The following PCF11 variants were observed in gnomAD, a reference collection of about 807,000 sequenced individuals.
PCF11 encodes the protein pre-mRNA cleavage complex 2 protein Pcf11.
In PCF11, 19 loss-of-function variants were observed where a neutral mutation model predicts 166.1. The ratio of observed to expected loss-of-function variants is 0.11; its 90% CI spans 0.08 to 0.17. PCF11 has a LOEUF of 0.17. PCF11 is among the 10% of genes least tolerant of loss of function. The pLI is 1.00. For synonymous variants in PCF11, 663 were observed against 644.1 expected (o/e 1.03, Z -0.44); for missense variants, 1,565 against 1,855.5 (o/e 0.84, Z 2.88).
At chr11:83,169,483 C>T (rs752203374) in exon 8 of PCF11, 29 of 1,613,458 alleles carry the variant, frequency 1.8e-5, no homozygotes, top group Non-Finnish European at 2.2e-5. Context: ...GTCACTCTTG[C>T]CAAGATTTGA....
At chr11:83,162,482 T>C (rs1021569877) in intron 2 of PCF11, among the ~76,000 whole-genome samples, 2 of 152,238 alleles carry the variant, frequency 1.3e-5, no homozygotes, top group Non-Finnish European at 2.9e-5. Flanking sequence ...TAATAGAATA[T>C]TGTAGACATT....
In PCF11 at chr11:83,167,409, A is replaced by G. The variant is rs369276569; in HGVS notation, c.2002-6A>G. 4.4e-5 allele frequency: 70 copies of G among 1,590,796 alleles called. No individual in the cohort carries two copies. Among genetic ancestry groups the G allele is most frequent in the Non-Finnish European group, 5.4e-5 (63 of 1,171,648 alleles). On this transcript the variant is annotated splice_region_variant and splice_polypyrimidine_tract_variant and intron_variant, in intron 6 of 15. Transcript: ENST00000298281. The surrounding 1 kb of genome is among the most constrained non-coding windows in gnomAD (Gnocchi z 4.2). The stretch of plus-strand genomic sequence containing the variant: ...TATTTTATTTCCTTTTATCACCCCT[A>G]TACAGACGAGTGAACGTTTAGCATC...
chr11:83,160,337 TTTTTTTGTCTTTTTTTTTTA>T (rs1860191854), intron 1 of PCF11, among the ~76,000 whole-genome samples: 2 of 143,122 alleles, frequency 1.4e-5, no homozygotes, highest in African/African-American at 5.5e-5. Context: ...TTTTTTTTTT[TTTTTTTGTCTTTTTTTTTTA>T]TTTTAAATCA....
At chr11:83,160,798 T>A (rs1283099893) in intron 1 of PCF11, among the ~76,000 whole-genome samples, 1 of 152,168 alleles carries the variant, frequency 6.6e-6, no homozygotes, top group Non-Finnish European at 1.5e-5. Flanking sequence ...ACTTCCTAGG[T>A]GAAGTGTTTT....
At chr11:83,177,625 T>A in intron 10 of PCF11, 89 bp from the exon 11 acceptor site, 1 of 559,310 alleles carries the variant, frequency 1.8e-6, no homozygotes, top group East Asian at 3.2e-5. Context: ...GGTGGATTTC[T>A]CTATTTGCTT....
At chr11:83,185,848 T>C (rs973823830) in exon 16 of PCF11, 4 of 152,644 alleles carry the variant, frequency 2.6e-5, no homozygotes, top group African/African-American at 9.6e-5. Flanking sequence ...ACTTTCTTGT[T>C]GTCTTTCATC....
intron 4 of PCF11, among the ~76,000 whole-genome samples, chr11:83,164,811 T>C (rs1043965422): frequency 1.7e-4 from 26 of 152,150 alleles, no homozygotes; most frequent in Non-Finnish European, 5.9e-5. Context: ...TGCAGTGTGC[T>C]ATGATTGCTT....
intron 1 of PCF11, among the ~76,000 whole-genome samples, chr11:83,161,046 G>A (rs1257366170): frequency 6.6e-6 from 1 of 152,098 alleles, no homozygotes; most frequent in East Asian, 1.9e-4. Context: ...TTAAAACACA[G>A]GTCTTTTTAC....
chr11:83,160,331 T>G (rs1860190651), intron 1 of PCF11, among the ~76,000 whole-genome samples: 5 of 146,138 alleles, frequency 3.4e-5, no homozygotes, highest in South Asian at 4.3e-4. Flanking sequence ...GTTTTTTTTT[T>G]TTTTTTTTTT....
chr11:83,166,328 A>C (rs1436115981), exon 5 of PCF11: 1 of 1,613,798 alleles, frequency 6.2e-7, no homozygotes, highest in African/African-American at 1.3e-5. Context: ...CGAGTACTAG[A>C]AAGCGATCAA....
At chr11:83,186,693 AT>A (rs1485737578) in exon 16 of PCF11, 2 of 152,220 alleles carry the variant, frequency 1.3e-5, no homozygotes, top group Admixed American at 1.3e-4. Flanking sequence ...AATTTTAGAG[AT>A]TGCTAAATCC....
intron 1 of PCF11, among the ~76,000 whole-genome samples, chr11:83,159,784 T>C (rs781432840): frequency 1.3e-5 from 2 of 152,208 alleles, no homozygotes; most frequent in Non-Finnish European, 2.9e-5. Context: ...CCTTATTCTT[T>C]AGCTTCTCTG....
At chr11:83,168,520 C>T in exon 8 of PCF11, 1 of 1,614,002 alleles carries the variant, frequency 6.2e-7, no homozygotes, top group Non-Finnish European at 8.5e-7. Context: ...TGTAGATAGT[C>T]CAGCATCAAG....
intron 11 of PCF11, among the ~76,000 whole-genome samples, chr11:83,178,577 C>T (rs951265264): frequency 4.0e-5 from 6 of 151,760 alleles, no homozygotes; most frequent in African/African-American, 1.5e-4. Flanking sequence ...AGGTGGATCA[C>T]GAGGTCAGGA....
At chr11:83,163,109 C>T (rs1178173146) in intron 2 of PCF11, among the ~76,000 whole-genome samples, 2 of 152,120 alleles carry the variant, frequency 1.3e-5, no homozygotes, top group Non-Finnish European at 2.9e-5. Flanking sequence ...CATCACAAAC[C>T]TGAACAGAAA....
chr11:83,175,582 C>T (rs1860848237), intron 9 of PCF11, among the ~76,000 whole-genome samples: 1 of 152,098 alleles, frequency 6.6e-6, no homozygotes, highest in African/African-American at 2.4e-5. Flanking sequence ...GAAACCCCGT[C>T]TCTACTAAAA....
chr11:83,157,238 A>C (rs1041196889), exon 1 of PCF11: 1 of 593,296 alleles, frequency 1.7e-6, no homozygotes, highest in African/African-American at 1.9e-5. Context: ...CTGGAAGTGG[A>C]CGGAGATCAC....
chr11:83,179,330 A>G (rs1286875750), intron 11 of PCF11, among the ~76,000 whole-genome samples: 1 of 151,426 alleles, frequency 6.6e-6, no homozygotes, highest in Non-Finnish European at 1.5e-5. Flanking sequence ...GCTCATTGCA[A>G]CCTCCGCCTC....
At chr11:83,166,599 G>A in exon 5 of PCF11, 2 of 1,613,888 alleles carry the variant, frequency 1.2e-6, no homozygotes, top group African/African-American at 2.7e-5. Context: ...GCGACCACAA[G>A]AAACTACAAA....
Sources: allele counts gnomAD v4.1 joint callset (sites outside exome capture counted in the v4.1 genomes callset), GRCh38; gene constraint gnomAD v4.1.1; non-coding constraint Gnocchi (gnomAD v3.1); transcripts MANE v1.5; gene names NCBI Gene and HGNC (gene_info 2026-07-23, HGNC 2026-07-21).